The following ERP27 variants were observed in gnomAD, a reference collection of about 807,000 sequenced individuals.
ERP27 encodes endoplasmic reticulum resident protein 27.
In ERP27, 23 loss-of-function variants were observed where a neutral mutation model predicts 27.7. The observed-to-expected ratio is 0.83, with a 90% confidence interval of 0.60 to 1.18. The LOEUF is 1.18. Ranked by LOEUF, ERP27 falls within the 50% of genes most tolerant of loss-of-function variation. ERP27 has a pLI of 0.00. For missense variants in ERP27, 363 were observed against 327.9 expected (o/e 1.11, Z -0.83); for synonymous variants, 159 against 118.3 (o/e 1.34, Z -2.23).
intron 3 of ERP27, among the ~76,000 whole-genome samples, chr12:14,921,571 G>T (rs1165731996): frequency 6.6e-6 from 1 of 152,126 alleles, no homozygotes; most frequent in African/African-American, 2.4e-5. Flanking sequence ...AGGGCAAGGG[G>T]GGTCATTGGC....
At position 14,914,575 on chromosome 12, in the gene ERP27, T is replaced by TGTGCGTGTGTGTGTGCACGC. The variant is rs1863376046; in HGVS notation, c.*140_*159dup. 7.0e-6 allele frequency: 4 copies of TGTGCGTGTGTGTGTGCACGC among 573,516 alleles called. No individual in the cohort carries two copies. The highest frequency in any genetic ancestry group is 2.1e-5 in the South Asian group (1 of 46,976). 35.5% of individuals were successfully genotyped at this position (573,516 alleles called of 1,614,324 possible). ...ATGAAGCTCTGTGTGTGTGTGTGTGTGTGCGTGTGTGTGTGCACGCGTGCG... is the reference window on the plus strand; with the variant it reads ...ATGAAGCTCTGTGTGTGTGTGTGTGTGTGCGTGTGTGTGTGCACGCGTGCGTGTGTGTGTGCACGCGTGCG... On this transcript the variant is annotated 3_prime_UTR_variant, in exon 7 of 7. Transcript: ENST00000266397.
rs1426228814 is a variant in ERP27 at position 14,922,549 on chromosome 12, AT to A, written c.334-1502del. Among the ~76,000 whole-genome samples the A allele has an allele frequency of 3.9e-5, 6 of 152,090 alleles. No homozygotes were observed. In the East Asian group the frequency reaches 1.2e-3, roughly 29 times the overall value. ...CCTTTGTTGGTTCTATAATATATAT[AT>A]TTTCTTACTAGGGCTTCTCCTTTAA... On this transcript the variant is annotated intron_variant, in intron 3 of 6. Coordinates refer to ENST00000266397, the MANE Select transcript of ERP27 (RefSeq NM_152321.4).
chr12:14,925,660 T>G (rs1292153677), intron 3 of ERP27, among the ~76,000 whole-genome samples: 1 of 152,220 alleles, frequency 6.6e-6, no homozygotes, highest in Non-Finnish European at 1.5e-5. Context: ...TAAAATTAAG[T>G]ATATTTTACA....
In ERP27 at chr12:14,917,230, T is replaced by TG. The variant is rs1863424297; in HGVS notation, c.523_524insC (p.Tyr175SerfsTer2). On this transcript the variant is annotated frameshift_variant, in exon 5 of 7. Transcript: ENST00000266397. LOFTEE classifies it high-confidence loss of function. ...CTGGTATCTGTGCATGTTCTCTTCA[T>TG]ACTCTGGGGAGGCCTTGTTCATTAT... The TG allele has an allele frequency of 1.2e-6, 2 of 1,614,082 alleles. No individual in the cohort carries two copies. The highest frequency in any genetic ancestry group is 2.7e-5 in the African/African-American group (2 of 74,938).
chr12:14,934,340 T>C (rs1440344440), intron 3 of ERP27, among the ~76,000 whole-genome samples: 1 of 152,182 alleles, frequency 6.6e-6, no homozygotes, highest in African/African-American at 2.4e-5. Flanking sequence ...TTATTATAGA[T>C]ACTTGCATAT....
At chr12:14,932,117 G>A (rs1045339529) in intron 3 of ERP27, among the ~76,000 whole-genome samples, 1 of 152,140 alleles carries the variant, frequency 6.6e-6, no homozygotes, top group Non-Finnish European at 1.5e-5. Context: ...GTGCCTTTAA[G>A]GTGCCAGAGG....
intron 3 of ERP27, among the ~76,000 whole-genome samples, chr12:14,933,915 T>C (rs1863734951): frequency 6.6e-6 from 1 of 152,188 alleles, no homozygotes; most frequent in African/African-American, 2.4e-5. Flanking sequence ...CCCTCTTCTC[T>C]TGCCTTTTAA....
At chr12:14,921,748 C>T (rs560554363) in intron 3 of ERP27, among the ~76,000 whole-genome samples, 7 of 152,240 alleles carry the variant, frequency 4.6e-5, no homozygotes, top group African/African-American at 1.7e-4. Context: ...ATTGCTAGAA[C>T]CCCTGAAGTC....
chr12:14,926,648 T>A (rs936352720), intron 3 of ERP27, among the ~76,000 whole-genome samples: 7 of 152,162 alleles, frequency 4.6e-5, no homozygotes, highest in African/African-American at 1.4e-4. Context: ...TTTTTTCACT[T>A]CTCAGAACCT....
At chr12:14,923,676 T>G (rs1863550521) in intron 3 of ERP27, among the ~76,000 whole-genome samples, 2 of 152,116 alleles carry the variant, frequency 1.3e-5, no homozygotes, top group Admixed American at 1.3e-4. Context: ...TGGTGAAAAC[T>G]TTTCTTAGTG....
chr12:14,915,213 A>G lies in ERP27; in HGVS notation c.774+276T>C, dbSNP rs79198312. 7.2e-3 allele frequency among the ~76,000 whole-genome samples: 1,096 copies of G among 152,348 alleles called. 23 individuals are homozygous for G. Among genetic ancestry groups the G allele is most frequent in the East Asian group, 0.035 (183 of 5,182 alleles). Reference sequence around the variant, plus strand: ...TAATGATCAAATCAGGACAATTAGCATATCCATTGCTTCAAACATTTATCA... The same window carrying G: ...TAATGATCAAATCAGGACAATTAGCGTATCCATTGCTTCAAACATTTATCA... On this transcript the variant is annotated intron_variant, in intron 6 of 6. Coordinates refer to ENST00000266397, the MANE Select transcript of ERP27 (RefSeq NM_152321.4).
chr12:14,938,352 C>T (rs867320598), intron 1 of ERP27, 63 bp downstream of exon 1: 1 of 1,492,210 alleles, frequency 6.7e-7, no homozygotes. Flanking sequence ...AACCACCATG[C>T]TCCCTTTCCT....
intron 2 of ERP27, chr12:14,935,233 G>A (rs1592279985): frequency 2.4e-6 from 2 of 828,800 alleles, no homozygotes; most frequent in Admixed American, 6.2e-5. Context: ...CTCCTGTCAG[G>A]CCTTGTCATA....
Position 14,914,468 on chromosome 12 carries a change from C to T in ERP27, c.*267G>A, listed in dbSNP as rs1277986022. 5 of 463,178 alleles carry T rather than the reference C, an allele frequency of 1.1e-5. No individual in the cohort carries two copies. The highest frequency in any genetic ancestry group is 1.9e-5 in the Non-Finnish European group (5 of 261,594). 28.7% of individuals were successfully genotyped at this position (463,178 alleles called of 1,614,324 possible). ...GATGGGCTTACAGAGTATGAATGCA[C>T]GATAAGAAGGAAATTGGATAGGGAG... On this transcript the variant is annotated 3_prime_UTR_variant, in exon 7 of 7. Transcript: ENST00000266397.
At chr12:14,938,095 G>A in intron 1 of ERP27, 43 bp from the exon 2 acceptor site, 3 of 1,515,508 alleles carry the variant, frequency 2.0e-6, no homozygotes, top group Non-Finnish European at 2.7e-6. Flanking sequence ...GAGGCAAGAA[G>A]AAGCAGCTCT....
At chr12:14,925,032 T>C (rs1310951485) in intron 3 of ERP27, among the ~76,000 whole-genome samples, 1 of 152,232 alleles carries the variant, frequency 6.6e-6, no homozygotes, top group Non-Finnish European at 1.5e-5. Flanking sequence ...CACCGCTTAG[T>C]GCATATAATC....
intron 5 of ERP27, 47 bp downstream of exon 5, chr12:14,917,131 T>G (rs374475149): frequency 2.6e-5 from 41 of 1,603,784 alleles, no homozygotes; most frequent in Non-Finnish European, 3.3e-5. Flanking sequence ...CTTTTCCTAG[T>G]GTCCTGGAGG....
Position 14,915,582 on chromosome 12 carries a change from A to G in ERP27, c.681T>C (p.Thr227=). 1 of 1,614,238 alleles carries G rather than the reference A, an allele frequency of 6.2e-7. No homozygotes were observed. Among genetic ancestry groups the G allele is most frequent in the Non-Finnish European group, 8.5e-7 (1 of 1,180,042 alleles). Residue 227 remains threonine (T), a synonymous_variant, in exon 6 of 7, where the codon ACT becomes ACC. Transcript: ENST00000266397. ...SQLPALAIYQ[T]LDDEWDTLPT... ...GCAGTGTATCCCACTCGTCATCTAG[A>G]GTCTGGTAAATTGCCAAAGCTGGCA... is the stretch of plus-strand genomic sequence containing the variant.
chr12:14,917,146 T>C (rs373991011), intron 5 of ERP27, 32 bp downstream of exon 5: 4 of 1,613,452 alleles, frequency 2.5e-6, no homozygotes, highest in Non-Finnish European at 3.4e-6. Flanking sequence ...TGGAGGTGTG[T>C]ATGCAATAGG....
Sources: allele counts gnomAD v4.1 joint callset (sites outside exome capture counted in the v4.1 genomes callset), GRCh38; gene constraint gnomAD v4.1.1; transcripts MANE v1.5; gene names NCBI Gene and HGNC (gene_info 2026-07-23, HGNC 2026-07-21).